The following SYTL3 variants were observed in gnomAD, a reference collection of about 807,000 sequenced individuals.
The protein encoded by SYTL3 is synaptotagmin like 3.
In SYTL3, 88 loss-of-function variants were observed where a neutral mutation model predicts 82.1. The ratio of observed to expected loss-of-function variants is 1.07; its 90% CI spans 0.90 to 1.28. SYTL3 has a LOEUF of 1.28. SYTL3 is among the 50% of genes most tolerant of loss of function. The probability of loss-of-function intolerance (pLI) is 0.00; values close to 1 mark genes in which losing one functional copy is unlikely to be tolerated. For synonymous variants in SYTL3, 311 were observed against 289.4 expected (o/e 1.07, Z -0.76); for missense variants, 831 against 757.6 (o/e 1.10, Z -1.14).
intron 14 of SYTL3, among the ~76,000 whole-genome samples, chr6:158,757,726 G>T (rs1158332339): frequency 6.6e-6 from 1 of 152,164 alleles, no homozygotes; most frequent in African/African-American, 2.4e-5. Flanking sequence ...TGGGGGCACC[G>T]CCCGCAGCTA....
rs779566826 is a variant in SYTL3 at position 158,683,027 on chromosome 6, CTA to C, written c.394+40_394+41del. The C allele has an allele frequency of 2.1e-6, 3 of 1,428,536 alleles. No individual in the cohort carries two copies. In the East Asian group the frequency reaches 6.9e-5, roughly 33 times the overall value. 88.5% of individuals were successfully genotyped at this position (1,428,536 alleles called of 1,614,324 possible). On this transcript the variant is annotated intron_variant, in intron 6 of 17. Coordinates refer to ENST00000611299, the MANE Select transcript of SYTL3 (RefSeq NM_001242394.2). ...TACTTTTTTAGTAAAGTAAAATGAT[CTA>C]TTCCTAGTTTTAAAATATTTGATGT...
intron 5 of SYTL3, among the ~76,000 whole-genome samples, chr6:158,680,942 G>T (rs949520912): frequency 6.6e-6 from 1 of 152,074 alleles, no homozygotes; most frequent in Non-Finnish European, 1.5e-5. Flanking sequence ...TTTGAAAAAC[G>T]TGCAGATTGG....
intron 11 of SYTL3, among the ~76,000 whole-genome samples, chr6:158,739,059 G>A (rs1009710503): frequency 8.5e-5 from 13 of 152,200 alleles, no homozygotes; most frequent in Admixed American, 5.9e-4. Context: ...AGAAGGCGCC[G>A]TCTCTTCCTG....
At chr6:158,703,598 T>C (rs1273552520) in intron 6 of SYTL3, among the ~76,000 whole-genome samples, 1 of 152,118 alleles carries the variant, frequency 6.6e-6, no homozygotes, top group Non-Finnish European at 1.5e-5. Flanking sequence ...GCAGTGCTGC[T>C]CCAACTTCCT....
chr6:158,751,207 C>G (rs1212907711), intron 12 of SYTL3, among the ~76,000 whole-genome samples: 3 of 151,848 alleles, frequency 2.0e-5, no homozygotes, highest in Non-Finnish European at 4.4e-5. Context: ...TGATTTTTTA[C>G]TTTGGAAAGT....
intron 2 of SYTL3, among the ~76,000 whole-genome samples, 177 bp downstream of exon 2, chr6:158,652,019 C>A (rs1377311024): frequency 2.6e-5 from 4 of 151,312 alleles, no homozygotes; most frequent in African/African-American, 9.7e-5. Flanking sequence ...CCCCTGCCTC[C>A]CAGGTTCAAG....
chr6:158,762,025 C>CTAACGT, intron 15 of SYTL3, 51 bp from the exon 16 acceptor site: 1 of 1,371,506 alleles, frequency 7.3e-7, no homozygotes, highest in Non-Finnish European at 1.0e-6. Flanking sequence ...GTACTGCATA[C>CTAACGT]TAACGTATCA....
intron 6 of SYTL3, among the ~76,000 whole-genome samples, chr6:158,704,606 G>T (rs904963685): frequency 1.3e-5 from 2 of 152,268 alleles, no homozygotes; most frequent in Non-Finnish European, 2.9e-5. Flanking sequence ...CAATTGGTTT[G>T]CTGGAGTGAA....
chr6:158,667,932 G>A (rs1456818865), intron 5 of SYTL3, among the ~76,000 whole-genome samples: 1 of 152,224 alleles, frequency 6.6e-6, no homozygotes, highest in African/African-American at 2.4e-5. Context: ...AGCTCAGAGA[G>A]GGAGAGATGA....
chr6:158,763,103 C>A (rs560211219), intron 16 of SYTL3, among the ~76,000 whole-genome samples: 4 of 152,198 alleles, frequency 2.6e-5, no homozygotes, highest in African/African-American at 9.7e-5. Flanking sequence ...GCATGCAGCT[C>A]GCCCTTCATA....
At chr6:158,674,016 G>A (rs542622416) in intron 5 of SYTL3, among the ~76,000 whole-genome samples, 63 of 150,584 alleles carry the variant, frequency 4.2e-4, no homozygotes, top group Non-Finnish European at 7.5e-4. Context: ...CCTGAGAGTT[G>A]GAGGTTGCAA....
At chr6:158,755,578 A>G (rs891069028) in intron 13 of SYTL3, among the ~76,000 whole-genome samples, 1 of 152,188 alleles carries the variant, frequency 6.6e-6, no homozygotes, top group Non-Finnish European at 1.5e-5. Flanking sequence ...CCAACAGAGC[A>G]GGGGACGGCC....
At chr6:158,738,736 C>A (rs1036246384) in intron 11 of SYTL3, among the ~76,000 whole-genome samples, 3 of 152,228 alleles carry the variant, frequency 2.0e-5, no homozygotes, top group Admixed American at 2.0e-4. Context: ...CAGCTCACTG[C>A]AACCTCCACC....
At chr6:158,661,751 CTT>C (rs1346189904) in intron 3 of SYTL3, among the ~76,000 whole-genome samples, 1 of 152,178 alleles carries the variant, frequency 6.6e-6, no homozygotes, top group Admixed American at 6.5e-5. Flanking sequence ...GAACTTGTGA[CTT>C]TGTCACCAAC....
rs377368178 is a variant in SYTL3, at chr6:158,708,350, C to T, written c.475C>T (p.Pro159Ser). Reference protein sequence around the residue: ...SKISVVPPTPPPVSESQCSRS... With the variant: ...SKISVVPPTPSPVSESQCSRS... ...AATTTCTGTGGTTCCTCCTACTCCA[C>T]CTCCTGTCAGCGAGAGCCAGTGCAG... Residue 159 changes from proline to serine, a missense_variant, in exon 8 of 18, where the codon CCT becomes TCT. Physicochemically the swap from Pro to Ser is moderately conservative, Grantham distance 74. Transcript: ENST00000611299. 2.0e-5 allele frequency: 33 copies of T among 1,614,074 alleles called. No individual in the cohort carries two copies. Among genetic ancestry groups the T allele is most frequent in the Non-Finnish European group, 2.6e-5 (31 of 1,180,044 alleles).
intron 5 of SYTL3, 57 bp from the exon 6 acceptor site, chr6:158,682,868 A>T: frequency 7.4e-7 from 1 of 1,353,936 alleles, no homozygotes; most frequent in Non-Finnish European, 1.1e-6. Flanking sequence ...AAAGGGGTAA[A>T]TATAGCACTA....
chr6:158,676,171 T>C (rs1292695316), intron 5 of SYTL3, among the ~76,000 whole-genome samples: 2 of 152,178 alleles, frequency 1.3e-5, no homozygotes, highest in African/African-American at 4.8e-5. Flanking sequence ...AAGGCTACAG[T>C]AACCAAAACA....
chr6:158,689,044 G>A lies in SYTL3; in HGVS notation c.394+6055G>A, dbSNP rs139219641. Among the ~76,000 whole-genome samples, 73 of 152,302 alleles carry A rather than the reference G, an allele frequency of 4.8e-4. 1 individual carries two copies. The East Asian group carries it at 0.013, about 28-fold the overall frequency. On this transcript the variant is annotated intron_variant, in intron 6 of 17. Transcript: ENST00000611299. ...GATGAGTGTATCTCACCCCGTCATA[G>A]GAATGTGTCATCATTTGTTTAACCA... is the stretch of plus-strand genomic sequence containing the variant.
At chr6:158,669,219 T>G (rs1176127477) in intron 5 of SYTL3, among the ~76,000 whole-genome samples, 1 of 152,228 alleles carries the variant, frequency 6.6e-6, no homozygotes, top group Non-Finnish European at 1.5e-5. Flanking sequence ...TTGCATTAAT[T>G]TTTTCTATTA....
Sources: gnomAD v4.1 joint callset for allele counts (sites outside exome capture counted in the v4.1 genomes callset) on GRCh38, gnomAD v4.1.1 for gene constraint, MANE v1.5 for transcripts, NCBI Gene and HGNC (gene_info 2026-07-23, HGNC 2026-07-21) for gene names.